The following CLSTN2 variants were observed in gnomAD, a reference collection of about 807,000 sequenced individuals.
CLSTN2 encodes the protein calsyntenin-2.
In CLSTN2, 48 loss-of-function variants were observed where a neutral mutation model predicts 101.2. The observed-to-expected ratio is 0.47, with a 90% confidence interval of 0.38 to 0.60. The LOEUF is 0.60. Among genes scored for constraint, CLSTN2 ranks in the 20% least tolerant of loss-of-function variants. CLSTN2 has a pLI of 0.00. For synonymous variants in CLSTN2, 481 were observed against 463.6 expected (o/e 1.04, Z -0.48); for missense variants, 1,160 against 1,238.2 (o/e 0.94, Z 0.95).
intron 5 of CLSTN2, among the ~76,000 whole-genome samples, chr3:140,445,505 G>T (rs562814164): frequency 3.3e-5 from 5 of 152,120 alleles, no homozygotes; most frequent in Admixed American, 1.3e-4. Flanking sequence ...GACTGGTGCC[G>T]CAGGGTGCAC....
At chr3:140,135,115 CACATATATATATATATATATATAT>C (rs2009593084) in intron 1 of CLSTN2, among the ~76,000 whole-genome samples, 6 of 52,056 alleles carry the variant, frequency 1.2e-4, no homozygotes, top group African/African-American at 5.9e-4. Context: ...CACACACACA[CACATATATATATATATATATATAT>C]ATATATATAT....
intron 2 of CLSTN2, among the ~76,000 whole-genome samples, chr3:140,280,842 G>T (rs2086838977): frequency 6.6e-6 from 1 of 152,180 alleles, no homozygotes. Flanking sequence ...GTCAGCCTGG[G>T]ACTTTGTAAA....
intron 1 of CLSTN2, among the ~76,000 whole-genome samples, chr3:140,026,040 G>A (rs1418284706): frequency 1.3e-5 from 2 of 152,158 alleles, no homozygotes; most frequent in Admixed American, 6.5e-5. Context: ...GTGATGGGGA[G>A]CATTGGCAGG....
At chr3:140,273,404 A>T (rs2086762970) in intron 2 of CLSTN2, among the ~76,000 whole-genome samples, 1 of 152,206 alleles carries the variant, frequency 6.6e-6, no homozygotes, top group Non-Finnish European at 1.5e-5. Flanking sequence ...ACCATCCACC[A>T]TGCTGCAAGA....
chr3:140,519,595 C>CT lies in CLSTN2; in HGVS notation c.1345-12720dup, dbSNP rs1190305674. Reference sequence around the variant, plus strand: ...CTTTACCAGTATGTAATTACCTTGTCTTTTTTTTTCTTTATTGGTTTAAAC... The same window carrying CT: ...CTTTACCAGTATGTAATTACCTTGTCTTTTTTTTTTCTTTATTGGTTTAAAC... On this transcript the variant is annotated intron_variant, in intron 8 of 16. Coordinates refer to ENST00000458420, the MANE Select transcript of CLSTN2 (RefSeq NM_022131.3). Among the ~76,000 whole-genome samples, 656 of 151,306 alleles carry CT rather than the reference C, an allele frequency of 4.3e-3. 5 individuals are homozygous for CT. The highest frequency in any genetic ancestry group is 4.9e-3 in the African/African-American group (203 of 41,348).
chr3:140,179,638 A>C (rs950326960), intron 2 of CLSTN2, among the ~76,000 whole-genome samples: 12 of 149,142 alleles, frequency 8.0e-5, no homozygotes, highest in African/African-American at 2.4e-4. Context: ...AAAAAAAAAA[A>C]AAAAAAAAAA....
At chr3:140,532,301 T>C (rs1302354392) in intron 8 of CLSTN2, 23 bp from the exon 9 acceptor site, 1 of 1,571,318 alleles carries the variant, frequency 6.4e-7, no homozygotes, top group East Asian at 2.3e-5. Context: ...ATTTTAAATG[T>C]TGCTTCTCTT....
chr3:140,225,677 T>C (rs546229129), intron 2 of CLSTN2, among the ~76,000 whole-genome samples: 47 of 152,218 alleles, frequency 3.1e-4, no homozygotes, highest in African/African-American at 1.1e-3. Flanking sequence ...TTTATATTCT[T>C]AGTAGAGATG....
At chr3:140,313,157 TC>T (rs890538110) in intron 2 of CLSTN2, among the ~76,000 whole-genome samples, 3 of 151,674 alleles carry the variant, frequency 2.0e-5, no homozygotes, top group African/African-American at 4.8e-5. Context: ...GGTAGAAAAG[TC>T]CCCCCCAAAA....
At chr3:140,492,984 A>G (rs1301672161) in intron 8 of CLSTN2, among the ~76,000 whole-genome samples, 1 of 152,230 alleles carries the variant, frequency 6.6e-6, no homozygotes, top group African/African-American at 2.4e-5. Flanking sequence ...GACACTCACC[A>G]GCAGTTGGAA....
chr3:140,042,208 C>T (rs1290189979), intron 1 of CLSTN2, among the ~76,000 whole-genome samples: 1 of 152,170 alleles, frequency 6.6e-6, no homozygotes, highest in Non-Finnish European at 1.5e-5. Context: ...AGTAAGAAAT[C>T]CCTGTACCCA....
chr3:140,236,276 A>T (rs4449270), intron 2 of CLSTN2, among the ~76,000 whole-genome samples: 147,642 of 152,284 alleles, frequency 0.97, 71,714 homozygotes, highest in East Asian at 1. Context: ...TCTATTTTTT[A>T]AACTGTACTT....
intron 8 of CLSTN2, among the ~76,000 whole-genome samples, chr3:140,503,660 A>G (rs1297399352): frequency 6.6e-6 from 1 of 152,234 alleles, no homozygotes; most frequent in Admixed American, 6.5e-5. Context: ...CTGACAACAC[A>G]ATAGGAATGC....
chr3:140,004,485 A>G (rs1191699113), intron 1 of CLSTN2, among the ~76,000 whole-genome samples: 1 of 152,212 alleles, frequency 6.6e-6, no homozygotes, highest in African/African-American at 2.4e-5. Flanking sequence ...AGAGCCATTC[A>G]CAGGAGCAGC....
At chr3:139,978,665 T>A (rs1935863420) in intron 1 of CLSTN2, among the ~76,000 whole-genome samples, 1 of 102,584 alleles carries the variant, frequency 9.7e-6, no homozygotes, top group Non-Finnish European at 2.3e-5. Context: ...TGTGTGTGTG[T>A]GTGTGTGTGT....
At chr3:139,946,895 T>C (rs1935223229) in intron 1 of CLSTN2, among the ~76,000 whole-genome samples, 1 of 152,180 alleles carries the variant, frequency 6.6e-6, no homozygotes, top group South Asian at 2.1e-4. Context: ...ATGGAAGCAG[T>C]CTTGCATTAT....
intron 2 of CLSTN2, among the ~76,000 whole-genome samples, chr3:140,288,949 TC>T (rs34628786): frequency 0.69 from 104,066 of 151,878 alleles, 36,040 homozygotes; most frequent in Middle Eastern, 0.78. Context: ...TCCTCCCTGA[TC>T]CCCCGTGCCC....
intron 2 of CLSTN2, among the ~76,000 whole-genome samples, chr3:140,226,486 G>A (rs1475728794): frequency 1.3e-5 from 2 of 152,122 alleles, no homozygotes; most frequent in African/African-American, 4.8e-5. Context: ...AAGGTGGATC[G>A]ACAGCTAGAT....
chr3:140,105,024 A>G (rs1168666584), intron 1 of CLSTN2, among the ~76,000 whole-genome samples: 1 of 152,212 alleles, frequency 6.6e-6, no homozygotes, highest in African/African-American at 2.4e-5. Flanking sequence ...TGGTGGTAAT[A>G]TAGAAATCTT....
Sources: gnomAD v4.1 joint callset for allele counts (sites outside exome capture counted in the v4.1 genomes callset) on GRCh38, gnomAD v4.1.1 for gene constraint, MANE v1.5 for transcripts, NCBI Gene and HGNC (gene_info 2026-07-23, HGNC 2026-07-21) for gene names.